Variants in PTP4A1 observed in about 807,000 individuals in gnomAD.
PTP4A1 encodes the protein protein tyrosine phosphatase type IVA 1.
PTP4A1 carries 9 observed loss-of-function variants against 20.5 expected under a neutral mutation model. The ratio of observed to expected loss-of-function variants is 0.44; its 90% CI spans 0.26 to 0.77. The LOEUF (loss-of-function observed/expected upper bound fraction) is 0.77. PTP4A1 is among the 30% of genes least tolerant of loss of function. The pLI is 0.19. For synonymous variants in PTP4A1, 78 were observed against 67.4 expected (o/e 1.16, Z -0.77); for missense variants, 137 against 218.8 (o/e 0.63, Z 2.36).
intron 3 of PTP4A1, among the ~76,000 whole-genome samples, chr6:63,557,925 T>G (rs1293962303): frequency 2.6e-5 from 4 of 151,950 alleles, no homozygotes; most frequent in African/African-American, 9.7e-5. Context: ...AGTCTTGCTC[T>G]GTCACCCAGG....
rs1417364751 is a variant in PTP4A1, at chr6:63,580,983, G to A, written c.*809G>A. ...TTTAGCAAAATGTTGCCTTTGTCTT[G>A]TGCAAACATGTAGAATATGCTCTTT... On this transcript the variant is annotated 3_prime_UTR_variant, in exon 6 of 6. Coordinates refer to ENST00000626021, the MANE Select transcript of PTP4A1 (RefSeq NM_003463.5). The A allele has an allele frequency of 6.6e-6, 1 of 152,270 alleles. No individual in the cohort carries two copies. Among genetic ancestry groups the A allele is most frequent in the East Asian group, 1.9e-4 (1 of 5,198 alleles). 9.4% of individuals were successfully genotyped at this position (152,270 alleles called of 1,614,324 possible).
At chr6:63,530,952 C>G (rs1775430944) in intron 2 of PTP4A1, among the ~76,000 whole-genome samples, 1 of 152,102 alleles carries the variant, frequency 6.6e-6, no homozygotes, top group African/African-American at 2.4e-5. Context: ...AAAATGAGCA[C>G]TATTTTTCTA....
chr6:63,566,844 T>C (rs756152389), intron 3 of PTP4A1, among the ~76,000 whole-genome samples: 16 of 152,216 alleles, frequency 1.1e-4, no homozygotes, highest in Non-Finnish European at 1.8e-4. Context: ...CAATCAGTCC[T>C]CTTAAAACTC....
chr6:63,558,665 C>T (rs1399273639), intron 3 of PTP4A1, among the ~76,000 whole-genome samples: 1 of 152,184 alleles, frequency 6.6e-6, no homozygotes, highest in South Asian at 2.1e-4. Context: ...GGAAGCACAT[C>T]TTAGGGTCAT....
rs760174530 is a variant in PTP4A1, at chr6:63,578,549, TA to T, written c.198+21del. ...GTTCTTGTAAGTATTTAACAGTTCT[TA>T]TGGGTTTATGGTGCTGTGCTACAAA... On this transcript the variant is annotated intron_variant, in intron 3 of 5. Transcript: ENST00000626021. 7.7e-5 allele frequency: 123 copies of T among 1,603,456 alleles called. 1 individual carries two copies. The South Asian group carries it at 1.4e-3, about 18-fold the overall frequency.
intron 2 of PTP4A1, among the ~76,000 whole-genome samples, chr6:63,544,099 A>C (rs899640753): frequency 6.6e-6 from 1 of 152,062 alleles, no homozygotes; most frequent in African/African-American, 2.4e-5. Flanking sequence ...GGTATGCCCT[A>C]ATTCTACTTA....
intron 2 of PTP4A1, among the ~76,000 whole-genome samples, chr6:63,533,060 TCTC>T (rs1304059152): frequency 6.6e-6 from 1 of 152,266 alleles, no homozygotes. Flanking sequence ...GCATTCATTT[TCTC>T]CTTTAAGAGA....
intron 3 of PTP4A1, among the ~76,000 whole-genome samples, chr6:63,560,508 T>G (rs1023644779): frequency 2.0e-5 from 3 of 151,588 alleles, no homozygotes; most frequent in Admixed American, 6.6e-5. Context: ...GTTCAAGTGA[T>G]TCTCCTGCCT....
At chr6:63,568,572 CAG>C (rs1013127494), upstream of PTP4A1, among the ~76,000 whole-genome samples, 1 of 151,336 alleles carries the variant, frequency 6.6e-6, no homozygotes, top group Non-Finnish European at 1.5e-5. Flanking sequence ...AGATGTAACA[CAG>C]AGACATGAAA....
Position 63,562,093 on chromosome 6 carries a change from A to G in PTP4A1, c.-446+11600A>G, listed in dbSNP as rs565215263. ...CCCATAAAGTATTTAAATGTCAGTTATTACCTGTTAACATTTTAGTTTATT... is the reference window on the plus strand; with the variant it reads ...CCCATAAAGTATTTAAATGTCAGTTGTTACCTGTTAACATTTTAGTTTATT... On this transcript the variant is annotated intron_variant, in intron 3 of 3. Coordinates refer to the PTP4A1 transcript ENST00000639568. Among the ~76,000 whole-genome samples, 13 of 152,082 alleles carry G rather than the reference A, an allele frequency of 8.5e-5. No individual in the cohort carries two copies. In the East Asian group the frequency reaches 2.5e-3, roughly 29 times the overall value.
chr6:63,572,969 G>C (rs907089190), intron 1 of PTP4A1, among the ~76,000 whole-genome samples: 39 of 152,120 alleles, frequency 2.6e-4, no homozygotes, highest in Non-Finnish European at 5.0e-4. Context: ...ACCGGCTTTT[G>C]AGTCCCTCCC....
At chr6:63,537,872 T>C (rs1562116026) in intron 2 of PTP4A1, among the ~76,000 whole-genome samples, 1 of 152,020 alleles carries the variant, frequency 6.6e-6, no homozygotes, top group Non-Finnish European at 1.5e-5. Context: ...ACGGCCGTAG[T>C]GAGAGAGAAG....
chr6:63,522,853 A>C (rs1179595126), intron 1 of PTP4A1, among the ~76,000 whole-genome samples: 1 of 148,508 alleles, frequency 6.7e-6, no homozygotes, highest in African/African-American at 2.5e-5. Flanking sequence ...CCTTTATAAG[A>C]CTAAATCACT....
upstream of PTP4A1, among the ~76,000 whole-genome samples, chr6:63,520,337 T>C (rs1043203271): frequency 6.6e-6 from 1 of 152,244 alleles, no homozygotes; most frequent in East Asian, 1.9e-4. Flanking sequence ...ACACTAAAAA[T>C]GAAAATAGAC....
intron 1 of PTP4A1, among the ~76,000 whole-genome samples, chr6:63,527,561 C>G (rs926625559): frequency 1.3e-5 from 2 of 152,128 alleles, no homozygotes; most frequent in African/African-American, 4.8e-5. Context: ...AATATTTTCA[C>G]TTTTCTAGAT....
chr6:63,556,432 T>C (rs1776690667), intron 3 of PTP4A1, among the ~76,000 whole-genome samples: 2 of 152,166 alleles, frequency 1.3e-5, no homozygotes, highest in African/African-American at 4.8e-5. Context: ...CCTTCCATCT[T>C]GGCCTGCCAA....
At chr6:63,516,958 T>C (rs1006757237), upstream of PTP4A1, among the ~76,000 whole-genome samples, 4 of 152,136 alleles carry the variant, frequency 2.6e-5, no homozygotes, top group Non-Finnish European at 4.4e-5. Flanking sequence ...AACTGACTCT[T>C]CTGGATTTCT....
chr6:63,527,267 G>C (rs1440592381), intron 1 of PTP4A1, among the ~76,000 whole-genome samples: 1 of 152,130 alleles, frequency 6.6e-6, no homozygotes, highest in Non-Finnish European at 1.5e-5. Flanking sequence ...CTTCTGAATT[G>C]CTTGTGTCTA....
chr6:63,562,043 T>C (rs576476416), intron 3 of PTP4A1, among the ~76,000 whole-genome samples: 83 of 152,298 alleles, frequency 5.4e-4, no homozygotes, highest in Non-Finnish European at 8.2e-4. Flanking sequence ...TAAAAAATTG[T>C]TTATCATCAC....
Sources: gnomAD v4.1 joint callset for allele counts (sites outside exome capture counted in the v4.1 genomes callset) on GRCh38, gnomAD v4.1.1 for gene constraint, MANE v1.5 for transcripts, NCBI Gene and HGNC (gene_info 2026-07-23, HGNC 2026-07-21) for gene names.